Variants in PCDHGA1 observed in about 807,000 individuals in gnomAD.
The protein encoded by PCDHGA1 is protocadherin gamma-A1.
In PCDHGA1, 32 loss-of-function variants were observed where a neutral mutation model predicts 58.0. That is an observed-to-expected ratio of 0.55 (90% CI 0.42 to 0.74). The LOEUF (loss-of-function observed/expected upper bound fraction) is 0.74, where lower values mean the gene tolerates loss of function less well. Ranked by LOEUF, PCDHGA1 falls within the 30% of genes least tolerant of loss-of-function variation. The pLI is 0.00. For synonymous variants in PCDHGA1, 498 were observed against 501.1 expected, an observed-to-expected ratio of 0.99 and a Z score of 0.08; for missense variants, 1,205 against 1,182.3, an observed-to-expected ratio of 1.02 and a Z score of -0.28.
intron 1 of PCDHGA1, chr5:141,418,015 G>C: frequency 6.2e-7 from 1 of 1,613,964 alleles, no homozygotes; most frequent in Non-Finnish European, 8.5e-7. Context: ...ACCTCGCTAA[G>C]GATCTAGGGC....
intron 1 of PCDHGA1, chr5:141,383,326 A>G: frequency 6.2e-7 from 1 of 1,614,030 alleles, no homozygotes; most frequent in Non-Finnish European, 8.5e-7. Flanking sequence ...TGTAAAAATA[A>G]TGGAGAATAC....
At chr5:141,375,564 A>G (rs1771592295) in intron 1 of PCDHGA1, 3 of 1,613,974 alleles carry the variant, frequency 1.9e-6, no homozygotes, top group African/African-American at 1.3e-5. Flanking sequence ...CTGGCAGAAG[A>G]CACCCTCCAG....
intron 1 of PCDHGA1, chr5:141,346,367 G>T (rs757139743): frequency 4.1e-5 from 66 of 1,614,092 alleles, no homozygotes; most frequent in Non-Finnish European, 5.5e-5. Context: ...ATGCGGACAC[G>T]CTCATCAGCC....
intron 1 of PCDHGA1, among the ~76,000 whole-genome samples, chr5:141,425,078 G>A (rs1196415752): frequency 3.9e-5 from 6 of 152,112 alleles, no homozygotes; most frequent in Admixed American, 6.5e-5. Flanking sequence ...AATTTCAACT[G>A]TAGGAAAGGC....
intron 1 of PCDHGA1, among the ~76,000 whole-genome samples, chr5:141,437,250 G>T (rs1191184272): frequency 6.6e-6 from 1 of 152,102 alleles, no homozygotes; most frequent in African/African-American, 2.4e-5. Flanking sequence ...GACTTTCCTT[G>T]TCTTTTTATG....
chr5:141,454,407 T>TTTTA (rs1029547484), intron 1 of PCDHGA1, among the ~76,000 whole-genome samples: 21 of 152,236 alleles, frequency 1.4e-4, no homozygotes, highest in Admixed American at 1.2e-3. Flanking sequence ...GCTTATTCCT[T>TTTTA]TTTATTTATT....
At chr5:141,416,620 G>T (rs1395913352) in intron 1 of PCDHGA1, 1 of 152,142 alleles carries the variant, frequency 6.6e-6, no homozygotes, top group Non-Finnish European at 1.5e-5. Flanking sequence ...CATTTCTGCA[G>T]ATCAGAATAT....
intron 1 of PCDHGA1, chr5:141,385,154 C>A (rs761681846): frequency 6.2e-7 from 1 of 1,614,208 alleles, no homozygotes; most frequent in Admixed American, 1.7e-5. Context: ...TTCCTGCAGA[C>A]CTATTCCCAT....
intron 1 of PCDHGA1, chr5:141,359,904 T>C (rs1246134687): frequency 3.7e-5 from 15 of 410,546 alleles, no homozygotes; most frequent in Admixed American, 4.0e-5. Context: ...TGACAAGCCA[T>C]TAGTGCAGTT....
rs375597452 is a variant in PCDHGA1 at position 141,403,865 on chromosome 5, A to G, written c.2421+70760A>G. ...AAATACTGGGGAAATATCAACAGCA[A>G]AAAGTCTAGATTATGAAGAATGTTC... On this transcript the variant is annotated intron_variant, in intron 1 of 3. Transcript: ENST00000517417. 40 of 1,613,808 alleles carry G rather than the reference A, an allele frequency of 2.5e-5. No individual in the cohort carries two copies. The African/African-American group carries it at 5.2e-4, about 21-fold the overall frequency.
intron 1 of PCDHGA1, among the ~76,000 whole-genome samples, chr5:141,407,274 A>G (rs763803896): frequency 2.0e-5 from 3 of 152,232 alleles, no homozygotes; most frequent in Non-Finnish European, 2.9e-5. Context: ...GCAACAAGAA[A>G]ATTGTTACAA....
intron 1 of PCDHGA1, chr5:141,350,156 C>A (rs1018523439): frequency 4.8e-5 from 48 of 1,005,970 alleles, no homozygotes; most frequent in Non-Finnish European, 6.4e-5. Flanking sequence ...CACCCTCGAG[C>A]GCCTAACTAA....
chr5:141,343,884 G>A, intron 1 of PCDHGA1: 1 of 648,930 alleles, frequency 1.5e-6, no homozygotes, highest in Admixed American at 3.2e-5. Context: ...CAGAAGATCC[G>A]GGGCGGCTGC....
chr5:141,489,290 G>A lies in PCDHGA1; in HGVS notation c.2422-5517G>A. 6.3e-7 allele frequency: 1 copy of A among 1,577,514 alleles called. No individual in the cohort carries two copies. The highest frequency in any genetic ancestry group is 8.6e-7 in the Non-Finnish European group (1 of 1,162,002). ...CTCGCTGGGAAATGGCAAGTGCTGT[G>A]CATGTTGTCCTTGTGCTGCTGGGGC... On this transcript the variant is annotated intron_variant, in intron 1 of 3. Transcript: ENST00000517417. This position sits in a 1 kb window ranked among gnomAD's most constrained non-coding sequence, Gnocchi z 4.5.
intron 2 of PCDHGA1, among the ~76,000 whole-genome samples, chr5:141,501,324 CA>C (rs1311475307): frequency 7.2e-5 from 11 of 151,778 alleles, no homozygotes; most frequent in African/African-American, 1.9e-4. Flanking sequence ...CACACACACA[CA>C]CACACACACC....
chr5:141,382,260 G>T (rs1033176333), intron 1 of PCDHGA1, among the ~76,000 whole-genome samples: 8 of 152,108 alleles, frequency 5.3e-5, no homozygotes, highest in African/African-American at 1.4e-4. Context: ...GCATCATGGT[G>T]TCTAGAACAT....
At chr5:141,478,567 C>A in intron 1 of PCDHGA1, 1 of 1,593,812 alleles carries the variant, frequency 6.3e-7, no homozygotes, top group Non-Finnish European at 8.6e-7. Flanking sequence ...GCAAGTCATG[C>A]TTGACCCTGT....
chr5:141,465,629 C>A (rs1048373153), intron 1 of PCDHGA1, among the ~76,000 whole-genome samples: 1 of 152,204 alleles, frequency 6.6e-6, no homozygotes, highest in Non-Finnish European at 1.5e-5. Flanking sequence ...AGTCAACCAG[C>A]AAAATGCTTT....
intron 1 of PCDHGA1, chr5:141,398,155 C>G (rs1238092530): frequency 1.3e-5 from 19 of 1,492,684 alleles, no homozygotes; most frequent in Non-Finnish European, 1.7e-5. Flanking sequence ...GGAGCTGGGC[C>G]GGGCTGAGAG....
Sources: gnomAD v4.1 joint callset for allele counts (sites outside exome capture counted in the v4.1 genomes callset) on GRCh38, gnomAD v4.1.1 for gene constraint, Gnocchi (gnomAD v3.1) non-coding constraint, MANE v1.5 for transcripts, NCBI Gene and HGNC (gene_info 2026-07-23, HGNC 2026-07-21) for gene names.